Variants in GLIS3 observed in about 807,000 individuals in gnomAD.
GLIS3 encodes zinc finger protein GLIS3.
A neutral mutation model predicts 78.6 loss-of-function variants in GLIS3; 53 were observed. That is an observed-to-expected ratio of 0.67 (90% CI 0.54 to 0.85). The LOEUF is 0.85. GLIS3 is among the 40% of genes least tolerant of loss of function. GLIS3 has a pLI of 0.00. For synonymous variants in GLIS3, 684 were observed against 509.9 expected (o/e 1.34, Z -4.60); for missense variants, 1,703 against 1,231.1 (o/e 1.38, Z -5.74).
intron 8 of GLIS3, among the ~76,000 whole-genome samples, chr9:3,862,913 G>C (rs1820314801): frequency 2.8e-5 from 1 of 35,976 alleles, no homozygotes; most frequent in Admixed American, 1.8e-4. Flanking sequence ...GATTTGGGGA[G>C]GTATTTTTTA....
intron 2 of GLIS3, among the ~76,000 whole-genome samples, chr9:4,192,927 A>G (rs770421072): frequency 1.3e-5 from 2 of 152,214 alleles, no homozygotes; most frequent in Non-Finnish European, 2.9e-5. Context: ...CTCAGTGTGG[A>G]CAGGATACTG....
At chr9:4,229,714 A>C (rs1010625996) in intron 2 of GLIS3, among the ~76,000 whole-genome samples, 6 of 152,262 alleles carry the variant, frequency 3.9e-5, no homozygotes, top group African/African-American at 1.4e-4. Flanking sequence ...AAGTAAAAGA[A>C]AGAGAACTCT....
chr9:4,352,019 T>A (rs977187000), upstream of GLIS3, among the ~76,000 whole-genome samples: 3 of 152,232 alleles, frequency 2.0e-5, no homozygotes, highest in Admixed American at 1.3e-4. Flanking sequence ...GCAAGATCAA[T>A]TTTCTAAAAT....
At chr9:3,879,178 G>A (rs1301805717) in intron 8 of GLIS3, among the ~76,000 whole-genome samples, 1 of 152,134 alleles carries the variant, frequency 6.6e-6, no homozygotes, top group East Asian at 1.9e-4. Flanking sequence ...AAATTCTGGT[G>A]TGTTTCCAGC....
chr9:4,195,995 T>C (rs1468783832), intron 2 of GLIS3, among the ~76,000 whole-genome samples: 1 of 151,094 alleles, frequency 6.6e-6, no homozygotes, highest in Non-Finnish European at 1.5e-5. Flanking sequence ...TAAATGCACC[T>C]ATCAGTGCTC....
At chr9:4,282,529 C>T (rs1029248483) in intron 2 of GLIS3, among the ~76,000 whole-genome samples, 2 of 152,104 alleles carry the variant, frequency 1.3e-5, no homozygotes, top group Admixed American at 1.3e-4. Flanking sequence ...CCTTTAACTT[C>T]AAACTGAAAC....
At chr9:4,158,244 G>A (rs984080651) in intron 2 of GLIS3, among the ~76,000 whole-genome samples, 1 of 151,900 alleles carries the variant, frequency 6.6e-6, no homozygotes, top group African/African-American at 2.4e-5. Flanking sequence ...TCTCTTTATT[G>A]GAAAGACGAG....
intron 4 of GLIS3, among the ~76,000 whole-genome samples, chr9:4,086,634 G>A (rs1829041921): frequency 6.6e-6 from 1 of 152,156 alleles, no homozygotes; most frequent in Non-Finnish European, 1.5e-5. Flanking sequence ...GTTAAGAGAC[G>A]GACTTTCCAC....
chr9:3,968,098 T>A (rs1280023241), intron 4 of GLIS3, among the ~76,000 whole-genome samples: 1 of 152,222 alleles, frequency 6.6e-6, no homozygotes, highest in Non-Finnish European at 1.5e-5. Context: ...CGATGTGGAT[T>A]CTTGAGATCT....
chr9:4,434,623 G>C, the GLIS3 span, among the ~76,000 whole-genome samples: 1 of 152,168 alleles, frequency 6.6e-6, no homozygotes, highest in African/African-American at 2.4e-5. Context: ...TGGATACATG[G>C]AGGTGAAGAA....
chr9:4,151,382 T>C (rs1213007705), intron 2 of GLIS3, among the ~76,000 whole-genome samples: 1 of 152,178 alleles, frequency 6.6e-6, no homozygotes, highest in Non-Finnish European at 1.5e-5. Context: ...AAACCACAGG[T>C]TTTATTAGAA....
chr9:4,454,439 G>A, the GLIS3 span, among the ~76,000 whole-genome samples: 4 of 152,264 alleles, frequency 2.6e-5, no homozygotes, highest in South Asian at 4.1e-4. Context: ...GAAAAATAAA[G>A]CCTATAAAGG....
At chr9:4,093,793 T>A (rs961881901) in intron 4 of GLIS3, among the ~76,000 whole-genome samples, 1 of 152,114 alleles carries the variant, frequency 6.6e-6, no homozygotes, top group Non-Finnish European at 1.5e-5. Context: ...ATATATATAT[T>A]TTTAAATTTT....
At chr9:4,249,191 G>A (rs1824110691) in intron 2 of GLIS3, among the ~76,000 whole-genome samples, 1 of 152,098 alleles carries the variant, frequency 6.6e-6, no homozygotes, top group Non-Finnish European at 1.5e-5. Flanking sequence ...GGATAGCATT[G>A]AATCTGTAAA....
At chr9:4,364,010 G>A in the GLIS3 span, among the ~76,000 whole-genome samples, 1 of 152,110 alleles carries the variant, frequency 6.6e-6, no homozygotes, top group African/African-American at 2.4e-5. Flanking sequence ...TGGTAGCCTT[G>A]GTTCAACAGT....
intron 4 of GLIS3, among the ~76,000 whole-genome samples, chr9:4,116,747 T>C (rs947076736): frequency 1.3e-5 from 2 of 152,232 alleles, no homozygotes; most frequent in African/African-American, 4.8e-5. Context: ...GATTTATATA[T>C]TTCACATATT....
intron 4 of GLIS3, among the ~76,000 whole-genome samples, chr9:4,049,400 A>G (rs1390369130): frequency 6.6e-6 from 1 of 152,178 alleles, no homozygotes; most frequent in Non-Finnish European, 1.5e-5. Context: ...TGGGCCATCA[A>G]GGACCTTGCT....
At chr9:4,031,826 T>C (rs573972879) in intron 4 of GLIS3, among the ~76,000 whole-genome samples, 9 of 152,336 alleles carry the variant, frequency 5.9e-5, no homozygotes, top group Admixed American at 1.3e-4. Context: ...AGTCCCTCTC[T>C]CTTTGGCGAT....
intron 8 of GLIS3, among the ~76,000 whole-genome samples, chr9:3,863,452 A>T (rs1429041332): frequency 6.6e-6 from 1 of 152,242 alleles, no homozygotes; most frequent in Non-Finnish European, 1.5e-5. Flanking sequence ...GGGGCAGGGC[A>T]AGAGCTGTGT....
Sources: gnomAD v4.1 joint callset for allele counts (sites outside exome capture counted in the v4.1 genomes callset) on GRCh38, gnomAD v4.1.1 for gene constraint, MANE v1.5 for transcripts, NCBI Gene and HGNC (gene_info 2026-07-23, HGNC 2026-07-21) for gene names.